GPAT4: variants seen among roughly 807,000 people sequenced by gnomAD.
The protein encoded by GPAT4 is glycerol-3-phosphate acyltransferase 4.
Under a neutral mutation model 58.0 loss-of-function variants are expected in GPAT4, and 17 were observed. That is an observed-to-expected ratio of 0.29 (90% CI 0.20 to 0.44). The LOEUF is 0.44. Among genes scored for constraint, GPAT4 ranks in the 20% least tolerant of loss-of-function variants. The pLI, the probability that GPAT4 is intolerant of heterozygous loss-of-function variation, is 1.00. For synonymous variants in GPAT4, 204 were observed against 210.1 expected (o/e 0.97, Z 0.25); for missense variants, 377 against 574.5 (o/e 0.66, Z 3.51).
intron 2 of GPAT4, among the ~76,000 whole-genome samples, chr8:41,604,139 T>A (rs1803190133): frequency 6.6e-6 from 1 of 152,176 alleles, no homozygotes; most frequent in South Asian, 2.1e-4. Flanking sequence ...GTGTCTACAT[T>A]TTCTTTTGGC....
intron 1 of GPAT4, among the ~76,000 whole-genome samples, chr8:41,579,434 T>C (rs191072252): frequency 6.2e-4 from 95 of 152,298 alleles, no homozygotes; most frequent in Non-Finnish European, 1.0e-3. Flanking sequence ...AGTCATAAGG[T>C]GCTTTTTGTT....
chr8:41,603,927 T>G (rs1195051397), intron 2 of GPAT4, among the ~76,000 whole-genome samples: 4 of 104,658 alleles, frequency 3.8e-5, no homozygotes, highest in Admixed American at 3.8e-4. Flanking sequence ...GAATGAATGG[T>G]GTATTCACGT....
At chr8:41,592,196 A>G (rs981525967) in intron 1 of GPAT4, among the ~76,000 whole-genome samples, 1 of 152,202 alleles carries the variant, frequency 6.6e-6, no homozygotes, top group Non-Finnish European at 1.5e-5. Flanking sequence ...AAGATGGTTT[A>G]ATAGTGCCAA....
At chr8:41,615,123 G>A in intron 10 of GPAT4, 75 bp downstream of exon 10, 1 of 1,366,378 alleles carries the variant, frequency 7.3e-7, no homozygotes, top group Non-Finnish European at 1.0e-6. Context: ...GGAGGTAGAG[G>A]AAGGAGCTGG....
At chr8:41,603,344 T>C (rs532569680) in intron 2 of GPAT4, among the ~76,000 whole-genome samples, 138 of 152,046 alleles carry the variant, frequency 9.1e-4, no homozygotes, top group African/African-American at 3.2e-3. Flanking sequence ...CTGGTCAACA[T>C]TGTGAAACTC....
intron 1 of GPAT4, among the ~76,000 whole-genome samples, chr8:41,579,503 G>T (rs7825417): frequency 6.6e-6 from 1 of 152,158 alleles, no homozygotes; most frequent in East Asian, 1.9e-4. Flanking sequence ...GTTGAAGAAA[G>T]AGCACAGCAA....
intron 2 of GPAT4, among the ~76,000 whole-genome samples, chr8:41,602,114 C>T (rs965498577): frequency 6.6e-6 from 1 of 152,128 alleles, no homozygotes; most frequent in Non-Finnish European, 1.5e-5. Context: ...GCCATCACAC[C>T]CGGCTAATTT....
At position 41,610,067 on chromosome 8, in the gene GPAT4, G is replaced by C. The variant is rs551356544; in HGVS notation, c.536+112G>C. 3 of 1,503,034 alleles carry C rather than the reference G, an allele frequency of 2.0e-6. No homozygotes were observed. The African/African-American group carries it at 4.2e-5, about 21-fold the overall frequency. 93.1% of individuals were successfully genotyped at this position (1,503,034 alleles called of 1,614,324 possible). A position where few individuals can be genotyped will look rare whatever the true frequency, so the allele number is the denominator to read the frequency against. On this transcript the variant is annotated intron_variant, in intron 4 of 12. Transcript: ENST00000396987. Reference sequence around the variant, plus strand: ...TTTTAGAAAGGAGGAGGGAATGACTGTCGTTAGCCAGGCCACGTGACTCTT... The same window carrying C: ...TTTTAGAAAGGAGGAGGGAATGACTCTCGTTAGCCAGGCCACGTGACTCTT...
In GPAT4 at chr8:41,598,417, C is replaced by T. The variant is rs2150491727; in HGVS notation, c.-723C>T. On this transcript the variant is annotated 5_prime_UTR_variant, in exon 2 of 13. Coordinates refer to ENST00000396987, the MANE Select transcript of GPAT4 (RefSeq NM_178819.4). ...CATCTGGAGTTACACTCAGCACTCG[C>T]AGTATGAGACATTGTGTGCCAGCAT... The T allele has an allele frequency of 6.6e-6, 1 of 152,278 alleles. No individual in the cohort carries two copies. Among genetic ancestry groups the T allele is most frequent in the Non-Finnish European group, 1.5e-5 (1 of 68,024 alleles). The allele number at this position is 152,278 out of a possible 1,614,324, so 9.4% of individuals were successfully genotyped here.
intron 1 of GPAT4, among the ~76,000 whole-genome samples, chr8:41,588,306 T>C (rs1458352626): frequency 1.3e-5 from 2 of 152,166 alleles, no homozygotes; most frequent in Non-Finnish European, 2.9e-5. Flanking sequence ...ATTCTAGCAG[T>C]TATGGTCCCT....
intron 1 of GPAT4, among the ~76,000 whole-genome samples, chr8:41,591,016 G>A (rs992476531): frequency 2.0e-5 from 3 of 152,126 alleles, no homozygotes; most frequent in Non-Finnish European, 4.4e-5. Flanking sequence ...AGCTGGGGGC[G>A]TTGGCGGACT....
chr8:41,620,820 G>A (rs1803726524), intron 12 of GPAT4, 73 bp from the exon 13 acceptor site: 4 of 1,538,874 alleles, frequency 2.6e-6, no homozygotes, highest in Non-Finnish European at 2.6e-6. Context: ...GGGCAGCATG[G>A]TGCATCTCCC....
intron 1 of GPAT4, among the ~76,000 whole-genome samples, chr8:41,594,262 A>G (rs534730813): frequency 6.6e-6 from 1 of 152,314 alleles, no homozygotes; most frequent in East Asian, 1.9e-4. Flanking sequence ...TTTCTTTACA[A>G]TTAACGTTTT....
At chr8:41,596,610 G>A (rs1413035372) in intron 1 of GPAT4, among the ~76,000 whole-genome samples, 2 of 152,332 alleles carry the variant, frequency 1.3e-5, no homozygotes, top group South Asian at 2.1e-4. Flanking sequence ...TGTCCCATGG[G>A]GCAATTGCCT....
Position 41,614,445 on chromosome 8 carries a change from A to G in GPAT4, c.967+4A>G, listed in dbSNP as rs1321036922. ...CCTATCCTCATCTTCCCAGAAGGTA[A>G]GAAGGGGTTGGTTGCCACGAAGGGC... On this transcript the variant is annotated splice_donor_region_variant and intron_variant, in intron 9 of 12. Transcript: ENST00000396987. 3 of 1,614,096 alleles carry G rather than the reference A, an allele frequency of 1.9e-6. No individual in the cohort carries two copies. Among genetic ancestry groups the G allele is most frequent in the Non-Finnish European group, 2.5e-6 (3 of 1,179,988 alleles).
intron 9 of GPAT4, 145 bp from the exon 10 acceptor site, chr8:41,614,817 GT>G: frequency 1.5e-6 from 1 of 687,540 alleles, no homozygotes; most frequent in Non-Finnish European, 2.5e-6. Flanking sequence ...TTAAGTGTTT[GT>G]TTTTAAGTTA....
At chr8:41,608,977 C>T (rs1803360016) in intron 2 of GPAT4, among the ~76,000 whole-genome samples, 1 of 152,202 alleles carries the variant, frequency 6.6e-6, no homozygotes, top group African/African-American at 2.4e-5. Flanking sequence ...CTCTTTGTCT[C>T]CTTTAAAATG....
At chr8:41,618,307 G>A (rs576118614) in intron 10 of GPAT4, among the ~76,000 whole-genome samples, 146 of 152,334 alleles carry the variant, frequency 9.6e-4, no homozygotes, top group African/African-American at 3.4e-3. Flanking sequence ...AAACGTTGGC[G>A]GTGGTTGAAT....
At chr8:41,619,063 G>A in intron 12 of GPAT4, 86 bp downstream of exon 12, 1 of 1,499,654 alleles carries the variant, frequency 6.7e-7, no homozygotes, top group Admixed American at 1.8e-5. Flanking sequence ...TCCCCGTGGT[G>A]TGGAGAATTA....
Sources: gnomAD v4.1 joint callset for allele counts (sites outside exome capture counted in the v4.1 genomes callset) on GRCh38, gnomAD v4.1.1 for gene constraint, MANE v1.5 for transcripts, NCBI Gene and HGNC (gene_info 2026-07-23, HGNC 2026-07-21) for gene names.